The following COLEC10 variants were observed in gnomAD, a reference collection of about 807,000 sequenced individuals.
COLEC10 encodes the protein collectin-10.
In COLEC10, 22 loss-of-function variants were observed where a neutral mutation model predicts 28.4. The ratio of observed to expected loss-of-function variants is 0.78; its 90% CI spans 0.55 to 1.11. COLEC10 has a LOEUF of 1.11. Among genes scored for constraint, COLEC10 ranks in the 50% least tolerant of loss-of-function variants. COLEC10 has a pLI of 0.00. For missense variants in COLEC10, 361 were observed against 344.1 expected (o/e 1.05, Z -0.39); for synonymous variants, 125 against 116.1 (o/e 1.08, Z -0.49).
At chr8:119,096,948 T>C (rs1815730894) in intron 3 of COLEC10, among the ~76,000 whole-genome samples, 1 of 152,042 alleles carries the variant, frequency 6.6e-6, no homozygotes, top group African/African-American at 2.4e-5. Context: ...GAAATAAATA[T>C]ACTATCTCAA....
chr8:118,994,573 G>A (rs907750123), upstream of COLEC10, among the ~76,000 whole-genome samples: 15 of 152,124 alleles, frequency 9.9e-5, no homozygotes, highest in Non-Finnish European at 1.6e-4. Context: ...AAACAAAGTC[G>A]GCCAGAGGTT....
chr8:118,986,998 T>C, the COLEC10 span, among the ~76,000 whole-genome samples: 1 of 152,084 alleles, frequency 6.6e-6, no homozygotes, highest in South Asian at 2.1e-4. Flanking sequence ...CTAAGTACCA[T>C]TGAACTATGC....
chr8:118,970,772 G>C, the COLEC10 span, among the ~76,000 whole-genome samples: 147 of 151,914 alleles, frequency 9.7e-4, no homozygotes, highest in African/African-American at 3.2e-3. Flanking sequence ...AATGTAATGA[G>C]TAAGTACTAT....
chr8:118,961,219 C>G, the COLEC10 span, among the ~76,000 whole-genome samples: 1 of 152,154 alleles, frequency 6.6e-6, no homozygotes, highest in Non-Finnish European at 1.5e-5. Context: ...CAAGGTGAGA[C>G]ACACAGTTAG....
chr8:119,096,390 G>C (rs111359357), intron 3 of COLEC10, among the ~76,000 whole-genome samples: 2,294 of 152,212 alleles, frequency 0.015, 51 homozygotes, highest in African/African-American at 0.051. Context: ...TCGGGAATTC[G>C]AGACCAGCCT....
intron 2 of COLEC10, among the ~76,000 whole-genome samples, chr8:119,033,017 C>T (rs961322246): frequency 1.3e-5 from 2 of 152,006 alleles, no homozygotes; most frequent in Admixed American, 6.5e-5. Context: ...TTTTCCATCT[C>T]TTTTTTACGC....
At chr8:119,099,522 G>A (rs904068573) in intron 3 of COLEC10, among the ~76,000 whole-genome samples, 1 of 152,030 alleles carries the variant, frequency 6.6e-6, no homozygotes, top group African/African-American at 2.4e-5. Context: ...TCCATGTGTA[G>A]CCAGTAAGTG....
chr8:119,053,942 C>G (rs886419497), intron 2 of COLEC10, among the ~76,000 whole-genome samples: 3 of 151,946 alleles, frequency 2.0e-5, no homozygotes, highest in African/African-American at 7.2e-5. Context: ...AAATTAGGCA[C>G]AGTAAGAGCT....
intron 2 of COLEC10, among the ~76,000 whole-genome samples, chr8:119,040,032 C>T (rs1334081861): frequency 1.3e-5 from 2 of 152,042 alleles, no homozygotes; most frequent in African/African-American, 2.4e-5. Context: ...TCTGCTTATC[C>T]CAAGAATGTT....
chr8:118,986,078 A>G, the COLEC10 span, among the ~76,000 whole-genome samples: 7 of 152,182 alleles, frequency 4.6e-5, no homozygotes, highest in African/African-American at 1.4e-4. Context: ...AAGAATCACC[A>G]AAAGTTGGGG....
intron 2 of COLEC10, among the ~76,000 whole-genome samples, chr8:119,014,054 C>T (rs1392943695): frequency 1.3e-5 from 2 of 150,706 alleles, no homozygotes; most frequent in Non-Finnish European, 1.5e-5. Flanking sequence ...TATACACACA[C>T]ATTCAAATAC....
the COLEC10 span, among the ~76,000 whole-genome samples, chr8:118,953,389 G>A: frequency 6.6e-6 from 1 of 152,238 alleles, no homozygotes; most frequent in East Asian, 1.9e-4. Context: ...CCAAGTGTTA[G>A]TAGTGAAACA....
intron 1 of COLEC10, among the ~76,000 whole-genome samples, chr8:119,001,837 A>C (rs17758330): frequency 0.044 from 6,666 of 152,280 alleles, 216 homozygotes; most frequent in East Asian, 0.16. Context: ...ATATAAACTC[A>C]AAAAGAATAA....
chr8:119,106,551 T>A lies in COLEC10; in HGVS notation c.*360T>A, dbSNP rs1480514594. ...CTATCCCAGTGGATAATTTCCCAGTTTACTGGTGATGATTAGGAAGGTTGT... is the reference window on the plus strand; with the variant it reads ...CTATCCCAGTGGATAATTTCCCAGTATACTGGTGATGATTAGGAAGGTTGT... On this transcript the variant is annotated 3_prime_UTR_variant, in exon 6 of 6. Coordinates refer to ENST00000332843, the MANE Select transcript of COLEC10 (RefSeq NM_006438.5). The A allele has an allele frequency of 5.4e-6, 1 of 186,102 alleles. No individual in the cohort carries two copies. Among genetic ancestry groups the A allele is most frequent in the Non-Finnish European group, 1.2e-5 (1 of 86,736 alleles). 11.5% of individuals were successfully genotyped at this position (186,102 alleles called of 1,614,324 possible).
intron 1 of COLEC10, chr8:119,068,893 G>A (rs1261619563): frequency 6.6e-6 from 1 of 151,752 alleles, no homozygotes; most frequent in Admixed American, 6.6e-5. Context: ...CCAGAGCCTG[G>A]AAACTGTATC....
chr8:118,972,569 A>T, the COLEC10 span, among the ~76,000 whole-genome samples: 1 of 151,958 alleles, frequency 6.6e-6, no homozygotes, highest in East Asian at 1.9e-4. Context: ...ACCTCCCCCT[A>T]AAAACTAAAA....
chr8:119,061,030 T>C (rs891482493), intron 2 of COLEC10, among the ~76,000 whole-genome samples: 1 of 151,898 alleles, frequency 6.6e-6, no homozygotes, highest in Non-Finnish European at 1.5e-5. Flanking sequence ...ACAAAAGCTA[T>C]AAAGGAAGAA....
At chr8:118,988,184 C>A in the COLEC10 span, among the ~76,000 whole-genome samples, 2 of 152,166 alleles carry the variant, frequency 1.3e-5, no homozygotes, top group East Asian at 1.9e-4. Flanking sequence ...TATTAGGGAC[C>A]CCAATCTTAG....
At chr8:118,967,103 C>T in the COLEC10 span, among the ~76,000 whole-genome samples, 1 of 152,058 alleles carries the variant, frequency 6.6e-6, no homozygotes, top group Non-Finnish European at 1.5e-5. Flanking sequence ...TGGTTTTACC[C>T]CAGGAATCCA....
Sources: allele counts gnomAD v4.1 joint callset (sites outside exome capture counted in the v4.1 genomes callset), GRCh38; gene constraint gnomAD v4.1.1; transcripts MANE v1.5; gene names NCBI Gene and HGNC (gene_info 2026-07-23, HGNC 2026-07-21).